The following ZBTB20 variants were observed in gnomAD, a reference collection of about 807,000 sequenced individuals.
ZBTB20 encodes zinc finger and BTB domain-containing protein 20.
Under a neutral mutation model 56.9 loss-of-function variants are expected in ZBTB20, and 9 were observed. The observed-to-expected ratio is 0.16, with a 90% CI of 0.10 to 0.28. The LOEUF (loss-of-function observed/expected upper bound fraction) is 0.28. Ranked by LOEUF, ZBTB20 falls within the 10% of genes least tolerant of loss-of-function variation. The pLI is 1.00. For missense variants in ZBTB20, 655 were observed against 1,003.0 expected, an observed-to-expected ratio of 0.65 and a Z score of 4.69; for synonymous variants, 417 against 420.7, an observed-to-expected ratio of 0.99 and a Z score of 0.11.
chr3:114,784,492 G>A (rs536046434), intron 5 of ZBTB20, among the ~76,000 whole-genome samples: 2 of 152,320 alleles, frequency 1.3e-5, no homozygotes, highest in South Asian at 2.1e-4. Flanking sequence ...ATCAGTTCAA[G>A]TAGTCTTAAA....
rs2067790140 is a variant in ZBTB20, at chr3:114,753,811, T to C, written c.-343+47290A>G. Among the ~76,000 whole-genome samples the C allele has an allele frequency of 2.6e-5, 4 of 152,120 alleles. No individual in the cohort carries two copies. The South Asian group carries it at 8.3e-4, about 32-fold the overall frequency. ...ATAAACTTCATGAAAGTAGAAACTT[T>C]ATTTTATTCACTACAGTATCCCTAG... is the stretch of plus-strand genomic sequence containing the variant. On this transcript the variant is annotated intron_variant, in intron 5 of 11. Coordinates refer to ENST00000675478, the MANE Select transcript of ZBTB20 (RefSeq NM_001348800.3).
chr3:114,690,017 GAA>G (rs992104461), intron 6 of ZBTB20, among the ~76,000 whole-genome samples: 2 of 150,578 alleles, frequency 1.3e-5, no homozygotes, highest in Admixed American at 6.6e-5. Context: ...GAAATGGAAA[GAA>G]AAAAAAAGAG....
intron 5 of ZBTB20, among the ~76,000 whole-genome samples, chr3:114,707,818 G>T (rs1030714495): frequency 6.6e-6 from 1 of 152,170 alleles, no homozygotes; most frequent in Admixed American, 6.6e-5. Flanking sequence ...CATGACTGAT[G>T]CACACAATCC....
At chr3:114,882,340 T>A (rs1270056785) in intron 4 of ZBTB20, among the ~76,000 whole-genome samples, 1 of 152,070 alleles carries the variant, frequency 6.6e-6, no homozygotes, top group African/African-American at 2.4e-5. Context: ...AATTCTCATA[T>A]AATGTTGTTA....
intron 6 of ZBTB20, chr3:114,519,591 C>G (rs1577251941): frequency 6.6e-6 from 1 of 152,300 alleles, no homozygotes; most frequent in East Asian, 1.9e-4. Flanking sequence ...GCGCTGATTT[C>G]CCCACTCTGA....
intron 6 of ZBTB20, among the ~76,000 whole-genome samples, chr3:114,521,427 T>C (rs894506660): frequency 2.6e-5 from 4 of 152,178 alleles, no homozygotes; most frequent in African/African-American, 7.2e-5. Flanking sequence ...CTAACTCTTT[T>C]ATAATCACTT....
intron 6 of ZBTB20, among the ~76,000 whole-genome samples, chr3:114,662,296 G>T (rs1427739921): frequency 2.0e-5 from 3 of 150,852 alleles, no homozygotes; most frequent in Non-Finnish European, 3.0e-5. Context: ...TCTTAATCCA[G>T]TCTATCATTG....
intron 7 of ZBTB20, among the ~76,000 whole-genome samples, chr3:114,393,888 A>G (rs2086107396): frequency 6.6e-6 from 1 of 152,148 alleles, no homozygotes; most frequent in South Asian, 2.1e-4. Context: ...AGCCCGTTTC[A>G]TTGTTGGCGT....
At position 114,689,022 on chromosome 3, in the gene ZBTB20, AG is replaced by A. The variant is rs1578353220; in HGVS notation, c.-295+4505del. On this transcript the variant is annotated intron_variant, in intron 6 of 11. Coordinates refer to ENST00000675478, the MANE Select transcript of ZBTB20 (RefSeq NM_001348800.3). ...TCTAGGTAAGAAGAAAGTATTCTCT[AG>A]GTAAGAGGAGAAAAATAAGTGAAGA... Among the ~76,000 whole-genome samples, 3 of 152,180 alleles carry A rather than the reference AG, an allele frequency of 2.0e-5. No homozygotes were observed. The East Asian group carries it at 5.8e-4, about 29-fold the overall frequency.
intron 4 of ZBTB20, among the ~76,000 whole-genome samples, chr3:114,860,556 T>C (rs996551387): frequency 2.0e-5 from 3 of 152,198 alleles, no homozygotes; most frequent in Admixed American, 6.5e-5. Context: ...TTACAACAGA[T>C]AGCCCTCATA....
chr3:114,601,693 A>T (rs1303378615), intron 6 of ZBTB20, among the ~76,000 whole-genome samples: 1 of 152,004 alleles, frequency 6.6e-6, no homozygotes, highest in African/African-American at 2.4e-5. Context: ...CATATTGAGG[A>T]TGTTTTAAAC....
chr3:114,346,683 ATTT>A lies in ZBTB20; in HGVS notation c.1804+3588_1804+3590del, dbSNP rs34177643. Among the ~76,000 whole-genome samples the A allele has an allele frequency of 9.7e-3, 1,323 of 136,860 alleles. 9 individuals are homozygous for A. Among genetic ancestry groups the A allele is most frequent in the African/African-American group, 0.029 (1,053 of 36,814 alleles). The allele number at this position is 136,860 out of a possible 152,430, so 89.8% of individuals were successfully genotyped here. ...TGGACTACTTCTTTGTCTCAAACAG[ATTT>A]TTTTTTTTTTTTTTTTTGATACAGA... is the stretch of plus-strand genomic sequence containing the variant. On this transcript the variant is annotated intron_variant, in intron 11 of 11. Coordinates refer to ENST00000675478, the MANE Select transcript of ZBTB20 (RefSeq NM_001348800.3).
At chr3:114,341,246 T>C (rs1035519442) in intron 11 of ZBTB20, among the ~76,000 whole-genome samples, 1 of 147,836 alleles carries the variant, frequency 6.8e-6, no homozygotes, top group African/African-American at 2.5e-5. Context: ...AGTCTATGCA[T>C]AGTGTTTACA....
rs146052335 is a variant in ZBTB20 at position 115,058,121 on chromosome 3, C to T, written c.-507+13098G>A. ...CTCCCGTGATTAAATTACCTCCCAC[C>T]GGGTCCCTCCCACAACACGGGGATT... is the stretch of plus-strand genomic sequence containing the variant. On this transcript the variant is annotated intron_variant, in intron 2 of 11. Coordinates refer to ENST00000675478, the MANE Select transcript of ZBTB20 (RefSeq NM_001348800.3). Among the ~76,000 whole-genome samples the T allele has an allele frequency of 1.1e-4, 16 of 152,238 alleles. No individual in the cohort carries two copies. In the East Asian group the frequency reaches 2.3e-3, roughly 22 times the overall value.
chr3:114,789,390 G>C (rs768669610), intron 5 of ZBTB20, among the ~76,000 whole-genome samples: 9 of 152,116 alleles, frequency 5.9e-5, no homozygotes, highest in Non-Finnish European at 1.0e-4. Context: ...AACAGGAGTT[G>C]GGTTCCTATA....
At chr3:114,616,119 C>T (rs924185102) in intron 6 of ZBTB20, among the ~76,000 whole-genome samples, 7 of 152,176 alleles carry the variant, frequency 4.6e-5, no homozygotes, top group African/African-American at 7.2e-5. Context: ...TGAACACAGA[C>T]GCATGCCCTG....
intron 6 of ZBTB20, among the ~76,000 whole-genome samples, chr3:114,549,513 C>T (rs544810768): frequency 6.6e-6 from 1 of 152,178 alleles, no homozygotes; most frequent in Admixed American, 6.5e-5. Flanking sequence ...TGAATATATG[C>T]AGTACAATTC....
chr3:115,145,741 G>A (rs983110378), intron 1 of ZBTB20, among the ~76,000 whole-genome samples: 2 of 152,138 alleles, frequency 1.3e-5, no homozygotes. Context: ...AAGGGTACTT[G>A]GGATTGGGAG....
At chr3:114,533,525 G>T (rs1460687194) in intron 6 of ZBTB20, among the ~76,000 whole-genome samples, 1 of 152,178 alleles carries the variant, frequency 6.6e-6, no homozygotes, top group Non-Finnish European at 1.5e-5. Flanking sequence ...TGGTGTACCT[G>T]AAAGTGATAG....
Sources: allele counts gnomAD v4.1 joint callset (sites outside exome capture counted in the v4.1 genomes callset), GRCh38; gene constraint gnomAD v4.1.1; transcripts MANE v1.5; gene names NCBI Gene and HGNC (gene_info 2026-07-23, HGNC 2026-07-21).